Variants in FAM184A observed in about 807,000 individuals in gnomAD.
The protein encoded by FAM184A is protein FAM184A.
FAM184A carries 99 observed loss-of-function variants against 143.8 expected under a neutral mutation model. The ratio of observed to expected loss-of-function variants is 0.69; its 90% confidence interval spans 0.58 to 0.81. The LOEUF (loss-of-function observed/expected upper bound fraction) is 0.81. Among genes scored for constraint, FAM184A ranks in the 40% least tolerant of loss-of-function variants. FAM184A has a pLI of 0.00. For missense variants in FAM184A, 1,217 were observed against 1,310.5 expected (o/e 0.93, Z 1.10); for synonymous variants, 427 against 446.4 (o/e 0.96, Z 0.55).
At chr6:119,099,747 C>T (rs1218614304) in intron 1 of FAM184A, among the ~76,000 whole-genome samples, 1 of 152,092 alleles carries the variant, frequency 6.6e-6, no homozygotes, top group Non-Finnish European at 1.5e-5. Flanking sequence ...ATACATGGAG[C>T]TTCCTGGAGG....
At chr6:118,992,261 G>C (rs537883242) in intron 9 of FAM184A, among the ~76,000 whole-genome samples, 16 of 152,234 alleles carry the variant, frequency 1.1e-4, no homozygotes, top group African/African-American at 3.9e-4. Context: ...GAATAAATAG[G>C]ATTAAAGGAT....
intron 6 of FAM184A, among the ~76,000 whole-genome samples, chr6:119,006,949 A>T (rs1784937393): frequency 6.6e-6 from 1 of 152,252 alleles, no homozygotes; most frequent in South Asian, 2.1e-4. Flanking sequence ...AAAATTTTAG[A>T]TAAAAATATC....
chr6:118,968,382 A>G (rs545336784), intron 14 of FAM184A, among the ~76,000 whole-genome samples: 6 of 152,348 alleles, frequency 3.9e-5, no homozygotes, highest in African/African-American at 1.4e-4. Flanking sequence ...GGGTTGAACA[A>G]CCTTGCTGTA....
intron 1 of FAM184A, among the ~76,000 whole-genome samples, chr6:119,068,666 G>C (rs1247527195): frequency 6.6e-6 from 1 of 152,118 alleles, no homozygotes; most frequent in East Asian, 1.9e-4. Flanking sequence ...TTTGGCTCTG[G>C]GAACAATGTG....
At chr6:119,064,689 G>C (rs911634814) in intron 1 of FAM184A, among the ~76,000 whole-genome samples, 2 of 152,158 alleles carry the variant, frequency 1.3e-5, no homozygotes, top group African/African-American at 4.8e-5. Flanking sequence ...CTGGGAGAAA[G>C]AGTGAGACTC....
Position 119,019,145 on chromosome 6 carries a change from C to T in FAM184A, c.1332+833G>A, listed in dbSNP as rs75259763. On this transcript the variant is annotated intron_variant, in intron 4 of 17. Coordinates refer to ENST00000338891, the MANE Select transcript of FAM184A (RefSeq NM_024581.6). ...TAGAATTAGATGAAAATACTGGAAA[C>T]ATCAATGGTAAGGGAACAGATGGAG... is the stretch of plus-strand genomic sequence containing the variant. Among the ~76,000 whole-genome samples, 1,199 of 152,180 alleles carry T rather than the reference C, an allele frequency of 7.9e-3. 8 individuals are homozygous for T. Among genetic ancestry groups the T allele is most frequent in the Non-Finnish European group, 0.013 (902 of 68,004 alleles).
At chr6:119,109,492 G>GTC (rs1387391461) in intron 1 of FAM184A, among the ~76,000 whole-genome samples, 1 of 151,946 alleles carries the variant, frequency 6.6e-6, no homozygotes, top group Non-Finnish European at 1.5e-5. Flanking sequence ...CTGTCTCTCT[G>GTC]TCTCTCTCTC....
chr6:119,124,263 T>C (rs974152460), intron 1 of FAM184A, among the ~76,000 whole-genome samples: 2 of 152,186 alleles, frequency 1.3e-5, no homozygotes, highest in African/African-American at 4.8e-5. Context: ...ACTCTAGTTC[T>C]TAGCCTTGAA....
At chr6:119,075,203 G>GA (rs569908232) in intron 1 of FAM184A, among the ~76,000 whole-genome samples, 230 of 151,774 alleles carry the variant, frequency 1.5e-3, no homozygotes, top group African/African-American at 5.3e-3. Flanking sequence ...ATTCGAAGGA[G>GA]AAAAAAAACT....
At chr6:119,118,691 C>G (rs561358645) in intron 1 of FAM184A, among the ~76,000 whole-genome samples, 1 of 152,152 alleles carries the variant, frequency 6.6e-6, no homozygotes, top group Non-Finnish European at 1.5e-5. Context: ...ATCTCCTAAT[C>G]CCATCATTTT....
chr6:119,011,110 A>T, intron 6 of FAM184A, 199 bp downstream of exon 6: 1 of 474,118 alleles, frequency 2.1e-6, no homozygotes, highest in Non-Finnish European at 3.6e-6. Context: ...ACCTTAGTTT[A>T]ATGTTTTTGA....
intron 1 of FAM184A, among the ~76,000 whole-genome samples, chr6:119,148,499 A>G (rs762531548): frequency 2.6e-5 from 4 of 152,090 alleles, no homozygotes; most frequent in African/African-American, 4.8e-5. Flanking sequence ...GCCAAGTCCA[A>G]CTGTCTGGAT....
chr6:119,104,365 G>A (rs1432373660), intron 1 of FAM184A, among the ~76,000 whole-genome samples: 1 of 152,170 alleles, frequency 6.6e-6, no homozygotes, highest in East Asian at 1.9e-4. Flanking sequence ...AGAAAAACGA[G>A]GAAAGTATTG....
At chr6:119,033,774 C>T (rs1467552633) in intron 1 of FAM184A, among the ~76,000 whole-genome samples, 1 of 150,060 alleles carries the variant, frequency 6.7e-6, no homozygotes, top group African/African-American at 2.4e-5. Context: ...GGTGGATCAC[C>T]TGAGGCTAGG....
chr6:119,145,874 AC>A (rs1331288393), intron 1 of FAM184A, among the ~76,000 whole-genome samples: 3 of 152,232 alleles, frequency 2.0e-5, no homozygotes, highest in Admixed American at 2.0e-4. Context: ...TTAAGCAAAA[AC>A]ATGATTTTTA....
Position 118,979,456 on chromosome 6 carries a change from G to GTGTGCATC in FAM184A, c.2356_2363dup (p.His788GlnfsTer13). The GTGTGCATC allele has an allele frequency of 6.2e-7, 1 of 1,613,710 alleles. No homozygotes were observed. ...TCCGGAAGCCCTCCATTGACTCTCT[G>GTGTGCATC]TGTGCATCTTTTAGTGATTGAAGCT... On this transcript the variant is annotated frameshift_variant, in exon 11 of 18. Coordinates refer to ENST00000338891, the MANE Select transcript of FAM184A (RefSeq NM_024581.6). LOFTEE classifies it high-confidence loss of function.
chr6:119,032,355 T>G (rs1163322413), intron 1 of FAM184A, among the ~76,000 whole-genome samples: 13 of 152,172 alleles, frequency 8.5e-5, no homozygotes. Context: ...TGAATGTATG[T>G]TCCTATTATA....
At chr6:119,008,089 A>G (rs1269759214) in intron 6 of FAM184A, among the ~76,000 whole-genome samples, 5 of 152,328 alleles carry the variant, frequency 3.3e-5, no homozygotes, top group African/African-American at 1.2e-4. Context: ...TAAAAAGCAA[A>G]TAAGTGTTGA....
intron 1 of FAM184A, among the ~76,000 whole-genome samples, chr6:119,073,427 C>G (rs1787762620): frequency 6.6e-6 from 1 of 152,196 alleles, no homozygotes; most frequent in Non-Finnish European, 1.5e-5. Flanking sequence ...AGGGAAGTTT[C>G]TGCTGAGAAC....
Sources: gnomAD v4.1 joint callset for allele counts (sites outside exome capture counted in the v4.1 genomes callset) on GRCh38, gnomAD v4.1.1 for gene constraint, MANE v1.5 for transcripts, NCBI Gene and HGNC (gene_info 2026-07-23, HGNC 2026-07-21) for gene names.